The following DIS3 variants were observed in gnomAD, a reference collection of about 807,000 sequenced individuals.
DIS3 encodes exosome complex exonuclease RRP44.
A neutral mutation model predicts 113.0 loss-of-function variants in DIS3; 103 were observed. The ratio of observed to expected loss-of-function variants is 0.91; its 90% CI spans 0.78 to 1.07. DIS3 has a LOEUF of 1.07. DIS3 is among the 50% of genes least tolerant of loss of function. The pLI is 0.00. For missense variants in DIS3, 1,121 were observed against 1,167.1 expected (o/e 0.96, Z 0.58); for synonymous variants, 402 against 394.3 (o/e 1.02, Z -0.23).
Position 72,774,035 on chromosome 13 carries a change from T to C in DIS3, c.1012A>G (p.Met338Val). The stretch of plus-strand genomic sequence containing the variant: ...ACAACTCTACCTGTAGGCTTCAACA[T>C]TTTCTCGCTTACAGCAGTCTTAAGC... ...RMLKTAVSEK[M>V]LKPTGRVVGI... Residue 338 changes from methionine (M) to valine (V), a missense_variant, in exon 7 of 21, where the codon ATG (methionine) becomes GTG (valine). Around this residue, in one of 3 missense-constraint regions of DIS3, gnomAD observed 861 missense variants for 915.5 expected, o/e 0.94. Transcript: ENST00000377767. 1 of 1,608,050 alleles carries C rather than the reference T, an allele frequency of 6.2e-7. No individual in the cohort carries two copies. Among genetic ancestry groups the C allele is most frequent in the Non-Finnish European group, 8.5e-7 (1 of 1,178,424 alleles).
In DIS3 at chr13:72,754,921, C is replaced by A; in HGVS notation, c.*4874G>T. ...TAGAGACAGGGTCTCACTATGTTGC[C>A]AGGGCTAGTCCCAAACTCCTGGGCT... is the stretch of plus-strand genomic sequence containing the variant. On this transcript the variant is annotated 3_prime_UTR_variant, in exon 21 of 21. Coordinates refer to ENST00000377767, the MANE Select transcript of DIS3 (RefSeq NM_014953.5). 2.3e-6 allele frequency: 1 copy of A among 425,556 alleles called. No homozygotes were observed. The highest frequency in any genetic ancestry group is 3.1e-5 in the South Asian group (1 of 31,898). 26.4% of individuals were successfully genotyped at this position (425,556 alleles called of 1,614,324 possible).
chr13:72,755,148 C>G lies in DIS3; in HGVS notation c.*4647G>C, dbSNP rs1438240690. 1 of 1,613,382 alleles carries G rather than the reference C, an allele frequency of 6.2e-7. No homozygotes were observed. The highest frequency in any genetic ancestry group is 8.5e-7 in the Non-Finnish European group (1 of 1,179,664). On this transcript the variant is annotated 3_prime_UTR_variant, in exon 21 of 21. Coordinates refer to ENST00000377767, the MANE Select transcript of DIS3 (RefSeq NM_014953.5). ...AAACAAGGTATTGTCTTCTTTTTCA[C>G]AGCAAGACCACACAACACAGAGGTG...
intron 14 of DIS3, 46 bp downstream of exon 14, chr13:72,768,739 T>C: frequency 1.4e-6 from 2 of 1,411,784 alleles, no homozygotes; most frequent in Non-Finnish European, 2.0e-6. Flanking sequence ...TCAAACAATG[T>C]AAAGAGTATA....
chr13:72,761,266 G>A (rs1205740671), intron 19 of DIS3, 97 bp downstream of exon 19: 2 of 1,433,426 alleles, frequency 1.4e-6, no homozygotes, highest in Non-Finnish European at 1.9e-6. Flanking sequence ...ATTCTTCAGG[G>A]TACAAAAAAT....
Position 72,771,856 on chromosome 13 carries a change from G to A in DIS3, c.1544C>T (p.Pro515Leu), listed in dbSNP as rs2138204513. 1.9e-6 allele frequency: 3 copies of A among 1,613,554 alleles called. No individual in the cohort carries two copies. Among genetic ancestry groups the A allele is most frequent in the Non-Finnish European group, 2.5e-6 (3 of 1,179,856 alleles). ...TGATTCTTGATCCAAGGCATTTCCT[G>A]GCCTAATAAAATGGCTCACATCAGC... ...HIADVSHFIR[P>L]GNALDQESAR... The change falls in exon 11 of 21, where the codon CCA becomes CTA. Residue 515 changes from proline (P) to leucine (L), a missense_variant. Transcript: ENST00000377767.
chr13:72,763,647 T>A lies in DIS3; in HGVS notation c.1971-40A>T, dbSNP rs199548890. 7.0e-6 allele frequency: 11 copies of A among 1,569,092 alleles called. No individual in the cohort carries two copies. In the African/African-American group the frequency reaches 9.6e-5, roughly 14 times the overall value. The stretch of plus-strand genomic sequence containing the variant: ...AGCATTAAACAAACAAAAAAGAGAA[T>A]CTGAGACTTCTATATATCATATTTT... On this transcript the variant is annotated intron_variant, in intron 15 of 20. Transcript: ENST00000377767.
At chr13:72,776,161 A>C in intron 4 of DIS3, 69 bp from the exon 5 acceptor site, 1 of 1,417,126 alleles carries the variant, frequency 7.1e-7, no homozygotes, top group East Asian at 2.4e-5. Flanking sequence ...AACTATTATT[A>C]ATATCAGAGA....
In DIS3 at chr13:72,761,078, TAA is replaced by T. The variant is rs201139887; in HGVS notation, c.2670+283_2670+284del. Among the ~76,000 whole-genome samples the T allele has an allele frequency of 8.4e-3, 1,274 of 152,190 alleles. 25 individuals are homozygous for T. Among genetic ancestry groups the T allele is most frequent in the African/African-American group, 0.03 (1,230 of 41,512 alleles). The stretch of plus-strand genomic sequence containing the variant: ...AAAAAAAAGTTCCTTCCCCGAGTTA[TAA>T]AGAGTCATTTATTGTTCCATGTAGG... On this transcript the variant is annotated intron_variant, in intron 19 of 20. Transcript: ENST00000377767.
rs1197034047 is a variant in DIS3, at chr13:72,781,634, G to T, written c.199C>A (p.Leu67Met). Residue 67 changes from leucine to methionine, a missense_variant, in exon 1 of 21, where the codon CTG (leucine) becomes ATG (methionine). By Grantham distance (15) the Leu-to-Met change is conservative. Coordinates refer to ENST00000377767, the MANE Select transcript of DIS3 (RefSeq NM_014953.5). ...SSVCPQPHYLLPDTNVLLHQI... is the reference protein window; with the variant it reads ...SSVCPQPHYLMPDTNVLLHQI... ...TGCAGTAACACATTAGTGTCGGGCA[G>T]CAAGTAGTGCGGTTGCGGGCAGACG... is the stretch of plus-strand genomic sequence containing the variant. The T allele has an allele frequency of 1.3e-6, 2 of 1,539,318 alleles. No individual in the cohort carries two copies. Among genetic ancestry groups the T allele is most frequent in the East Asian group, 4.9e-5 (2 of 40,828 alleles).
intron 6 of DIS3, among the ~76,000 whole-genome samples, chr13:72,774,465 T>C (rs1593848750): frequency 6.6e-6 from 1 of 152,120 alleles, no homozygotes; most frequent in Non-Finnish European, 1.5e-5. Context: ...TGGACCTTTA[T>C]TTATTAATTC....
rs200680976 is a variant in DIS3 at position 72,770,282 on chromosome 13, G to GA, written c.1755+621dup. Among the ~76,000 whole-genome samples the GA allele has an allele frequency of 3.9e-3, 574 of 147,256 alleles. 16 individuals are homozygous for GA. The East Asian group carries it at 0.063, about 16-fold the overall frequency. On this transcript the variant is annotated intron_variant, in intron 13 of 20. Transcript: ENST00000377767. ...ATCAAAAATTATCTGCTTATAATTG[G>GA]AAAAAAAAAACCCTCAAAATTTTGC... is the stretch of plus-strand genomic sequence containing the variant.
intron 8 of DIS3, 87 bp from the exon 9 acceptor site, chr13:72,772,926 T>A: frequency 7.2e-7 from 1 of 1,385,752 alleles, no homozygotes; most frequent in Non-Finnish European, 9.7e-7. Flanking sequence ...TTACATATCT[T>A]CTCAGTATTC....
rs764233981 is a variant in DIS3, at chr13:72,780,849, T to C, written c.383A>G (p.His128Arg). ...KHFYTFTNEH[H>R]RETYVEQEQG... ...TTTAACGTAATATTCCTCCTACCTA[T>C]GGTGCTCATTAGTGAAAGTATAGAA... The change falls in exon 2 of 21, where the codon CAT (histidine) becomes CGT (arginine). Residue 128 changes from histidine to arginine, a missense_variant. His to Arg is a conservative substitution (Grantham distance 29, BLOSUM62 0). Around this residue, in one of 3 missense-constraint regions of DIS3, gnomAD observed 254 missense variants for 232.2 expected, o/e 1.09. Transcript: ENST00000377767. 3.7e-6 allele frequency: 6 copies of C among 1,604,370 alleles called. No homozygotes were observed. The highest frequency in any genetic ancestry group is 2.7e-5 in the African/African-American group (2 of 74,082).
rs1268287952 is a variant in DIS3 at position 72,753,156 on chromosome 13, ATCTT to A, written c.*6635_*6638del. The A allele has an allele frequency of 6.6e-6, 1 of 152,194 alleles. No homozygotes were observed. The highest frequency in any genetic ancestry group is 1.5e-5 in the Non-Finnish European group (1 of 68,062). 9.4% of individuals were successfully genotyped at this position (152,194 alleles called of 1,614,324 possible). A position where few individuals can be genotyped will look rare whatever the true frequency, so the allele number is the denominator to read the frequency against. On this transcript the variant is annotated 3_prime_UTR_variant, in exon 21 of 21. Transcript: ENST00000377767. ...GTTTCCAAGCTGGAAGTTCGCTAGA[ATCTT>A]TCTTTTTTGCTCTTTTGCACTGAAA...
Position 72,755,248 on chromosome 13 carries a change from A to T in DIS3, c.*4547T>A. The T allele has an allele frequency of 6.4e-7, 1 of 1,562,432 alleles. No homozygotes were observed. The highest frequency in any genetic ancestry group is 8.8e-7 in the Non-Finnish European group (1 of 1,134,488). On this transcript the variant is annotated 3_prime_UTR_variant, in exon 21 of 21. Transcript: ENST00000377767. Reference sequence around the variant, plus strand: ...TCTGTCAGAATCAAAGACTAAGCTTAAGAGTTCCTCGCATATATCGTTGTG... The same window carrying T: ...TCTGTCAGAATCAAAGACTAAGCTTTAGAGTTCCTCGCATATATCGTTGTG...
chr13:72,778,406 A>G (rs749195173), intron 2 of DIS3, 26 bp from the exon 3 acceptor site: 1 of 1,525,694 alleles, frequency 6.6e-7, no homozygotes, highest in Non-Finnish European at 8.9e-7. Flanking sequence ...AAACGAAATA[A>G]AAGGAAATCA....
chr13:72,764,481 T>C (rs886521681), intron 15 of DIS3, among the ~76,000 whole-genome samples: 1 of 152,152 alleles, frequency 6.6e-6, no homozygotes, highest in African/African-American at 2.4e-5. Context: ...GATGAGAAAA[T>C]TGAGGATATA....
Position 72,777,635 on chromosome 13 carries a change from T to G in DIS3, c.581-142A>C, listed in dbSNP as rs969802814. ...GAGAGTCTCACTCTGTCTCTCAGGCTGGAGTGCAGCGGCGCAATTACACAT... is the reference window on the plus strand; with the variant it reads ...GAGAGTCTCACTCTGTCTCTCAGGCGGGAGTGCAGCGGCGCAATTACACAT... On this transcript the variant is annotated intron_variant, in intron 3 of 20. Transcript: ENST00000377767. 2.3e-5 allele frequency: 17 copies of G among 744,024 alleles called. 1 individual carries two copies. The Admixed American group carries it at 4.0e-4, about 17-fold the overall frequency. 46.1% of individuals were successfully genotyped at this position (744,024 alleles called of 1,614,324 possible).
chr13:72,777,629 T>C, intron 3 of DIS3, 136 bp from the exon 4 acceptor site: 1 of 772,222 alleles, frequency 1.3e-6, no homozygotes, highest in Non-Finnish European at 2.2e-6. Flanking sequence ...ACTCTGTCTC[T>C]CAGGCTGGAG....
Sources: gnomAD v4.1 joint callset for allele counts (sites outside exome capture counted in the v4.1 genomes callset) on GRCh38, gnomAD v4.1.1 for gene constraint, gnomAD v4.1.1 regional missense constraint, MANE v1.5 for transcripts, NCBI Gene and HGNC (gene_info 2026-07-23, HGNC 2026-07-21) for gene names.